Variants in MAP3K15 observed in about 807,000 individuals in gnomAD.
MAP3K15 encodes the protein mitogen-activated protein kinase kinase kinase 15, also known as MAPK/ERK kinase kinase 15.
A neutral mutation model predicts 99.5 loss-of-function variants in MAP3K15; 124 were observed. That is an observed-to-expected ratio of 1.25 (90% CI 1.08 to 1.45). The LOEUF (loss-of-function observed/expected upper bound fraction) is 1.45. Ranked by LOEUF, MAP3K15 falls within the 40% of genes most tolerant of loss-of-function variation. The pLI, the probability that MAP3K15 is intolerant of heterozygous loss-of-function variation, is 0.00. For missense variants in MAP3K15, 1,242 were observed against 1,079.7 expected, an observed-to-expected ratio of 1.15 and a Z score of -2.11; for synonymous variants, 494 against 439.6, an observed-to-expected ratio of 1.12 and a Z score of -1.55.
At chrX:19,432,055 A>G (rs988002855) in intron 6 of MAP3K15, among the ~76,000 whole-genome samples, 2 of 109,468 alleles carry the variant, frequency 1.8e-5, no homozygotes, top group Non-Finnish European at 3.8e-5. Context: ...TCTAAATAAT[A>G]GTTTTCATTT....
intron 13 of MAP3K15, among the ~76,000 whole-genome samples, chrX:19,404,811 C>T (rs752259967): frequency 8.1e-5 from 9 of 111,590 alleles, no homozygotes; most frequent in Non-Finnish European, 1.7e-4. Flanking sequence ...AACCACATAT[C>T]CACGTTAAAG....
intron 19 of MAP3K15, among the ~76,000 whole-genome samples, chrX:19,375,502 C>A (rs2063410476): frequency 8.9e-6 from 1 of 112,248 alleles, no homozygotes; most frequent in Non-Finnish European, 1.9e-5. Flanking sequence ...CACGGACATG[C>A]TTCCGTGACA....
At chrX:19,469,412 G>A (rs1482920884) in intron 3 of MAP3K15, among the ~76,000 whole-genome samples, 14 of 111,400 alleles carry the variant, frequency 1.3e-4, no homozygotes, top group Non-Finnish European at 2.1e-4. Context: ...AGATGGATTA[G>A]AGACTTACAT....
chrX:19,409,760 T>C (rs112870013), intron 12 of MAP3K15, among the ~76,000 whole-genome samples, 164 bp downstream of exon 12: 5 of 112,575 alleles, frequency 4.4e-5, no homozygotes, highest in South Asian at 3.7e-4. Context: ...AGTACACTAG[T>C]ATTAATAACT....
chrX:19,380,018 T>C, intron 19 of MAP3K15, 102 bp downstream of exon 19: 1 of 905,938 alleles, frequency 1.1e-6, no homozygotes, highest in Non-Finnish European at 1.5e-6. Context: ...ACTGTTTCCT[T>C]CTCTCCTACC....
intron 19 of MAP3K15, among the ~76,000 whole-genome samples, chrX:19,379,744 T>C (rs1372922111): frequency 9.0e-6 from 1 of 111,515 alleles, no homozygotes; most frequent in African/African-American, 3.3e-5. Context: ...GCCCGGCCTA[T>C]ATTTTCCTTT....
chrX:19,398,195 C>A lies in MAP3K15; in HGVS notation c.2066+31G>T, dbSNP rs1292746372. 3.3e-6 allele frequency: 4 copies of A among 1,209,212 alleles called. No individual in the cohort carries two copies. In the South Asian group the frequency reaches 7.1e-5, roughly 21 times the overall value. On this transcript the variant is annotated intron_variant, in intron 15 of 28. Transcript: ENST00000338883. ...TGGGATCTGGGGTGTGGAGACGGCACCCGAAATGCGGAAGGCCCGCCTGGA... is the reference window on the plus strand; with the variant it reads ...TGGGATCTGGGGTGTGGAGACGGCAACCGAAATGCGGAAGGCCCGCCTGGA...
At chrX:19,416,552 C>A (rs73637642) in intron 9 of MAP3K15, among the ~76,000 whole-genome samples, 13,257 of 110,770 alleles carry the variant, frequency 0.12, 1,787 homozygotes, top group African/African-American at 0.39. Flanking sequence ...CCCAAGAAGC[C>A]GAGAAAAGTC....
In MAP3K15 at chrX:19,392,005, TA is replaced by T; in HGVS notation, c.2427del (p.Phe809LeufsTer12). 1 of 1,201,623 alleles carries T rather than the reference TA, an allele frequency of 8.3e-7. No individual in the cohort carries two copies. Among genetic ancestry groups the T allele is most frequent in the Non-Finnish European group, 1.1e-6 (1 of 886,749 alleles). On this transcript the variant is annotated frameshift_variant, in exon 18 of 29. Coordinates refer to ENST00000338883, the MANE Select transcript of MAP3K15 (RefSeq NM_001001671.4). LOFTEE classifies it high-confidence loss of function. ...TGCCAAGCTTTGGTCCACTTACCAG[TA>T]AAAGTCTCTGTGCAGGGGTTCACAC... is the stretch of plus-strand genomic sequence containing the variant. ...LAGVNPCTETFTGTLQYMAPE... is the reference protein window; with the variant it reads ...LAGVNPCTETXTGTLQYMAPE...
intron 1 of MAP3K15, among the ~76,000 whole-genome samples, chrX:19,513,503 G>A (rs1388034486): frequency 9.0e-6 from 1 of 111,566 alleles, no homozygotes. Context: ...GGTCAGAAAT[G>A]TCAGGAGAGT....
chrX:19,366,674 C>G (rs1356217269), intron 25 of MAP3K15, among the ~76,000 whole-genome samples: 1 of 111,879 alleles, frequency 8.9e-6, no homozygotes, highest in African/African-American at 3.3e-5. Context: ...ATTGTGAGGC[C>G]TCCCCAGCCT....
chrX:19,426,996 C>G (rs1401512530), intron 7 of MAP3K15, among the ~76,000 whole-genome samples: 1 of 109,761 alleles, frequency 9.1e-6, no homozygotes, highest in Non-Finnish European at 1.9e-5. Flanking sequence ...ATCCTACTCC[C>G]AAAAGATCAC....
At position 19,371,366 on chromosome X, in the gene MAP3K15, C is replaced by G. The variant is rs953676843; in HGVS notation, c.3273G>C (p.Val1091=). 9.1e-6 allele frequency: 11 copies of G among 1,207,182 alleles called. No homozygotes were observed. The African/African-American group carries it at 1.2e-4, about 13-fold the overall frequency. Reference sequence around the variant, plus strand: ...TTACGGCATCCTGAAATCCGAACAGCACCAGGTGAATCTGACTGATGGACG... The same window carrying G: ...TTACGGCATCCTGAAATCCGAACAGGACCAGGTGAATCTGACTGATGGACG... ...DSSSISQIHL[V]LFGFQDAVNK... The change falls in exon 23 of 29, where the codon GTG becomes GTC. Residue 1091 remains valine, a synonymous_variant. Transcript: ENST00000338883.
intron 15 of MAP3K15, among the ~76,000 whole-genome samples, chrX:19,395,939 CA>C (rs2063565250): frequency 8.9e-6 from 1 of 112,076 alleles, no homozygotes; most frequent in Non-Finnish European, 1.9e-5. Context: ...TGTGTTTTAA[CA>C]GCTCTGTTTT....
intron 7 of MAP3K15, among the ~76,000 whole-genome samples, chrX:19,429,790 G>GAA (rs2063865418): frequency 1.3e-5 from 1 of 78,131 alleles, no homozygotes; most frequent in Non-Finnish European, 2.2e-5. Context: ...GAGAGAGAGA[G>GAA]AGAGAGAGAG....
At chrX:19,459,642 G>A in intron 5 of MAP3K15, among the ~76,000 whole-genome samples, 1 of 112,168 alleles carries the variant, frequency 8.9e-6, no homozygotes, top group Non-Finnish European at 1.9e-5. Flanking sequence ...CTGAGGTCAG[G>A]AGTTTAAGAC....
intron 22 of MAP3K15, 37 bp from the exon 23 acceptor site, chrX:19,371,567 T>C (rs768761247): frequency 2.4e-5 from 28 of 1,144,836 alleles, no homozygotes; most frequent in South Asian, 1.7e-4. Context: ...TTGAGTCAGA[T>C]TGAGAGAGCG....
At chrX:19,375,597 T>C (rs1186243615) in intron 19 of MAP3K15, among the ~76,000 whole-genome samples, 1 of 112,159 alleles carries the variant, frequency 8.9e-6, no homozygotes, top group Non-Finnish European at 1.9e-5. Context: ...AGTTTCACAG[T>C]CCACCCTGTG....
At chrX:19,391,335 A>C (rs749387112) in intron 18 of MAP3K15, among the ~76,000 whole-genome samples, 3 of 111,621 alleles carry the variant, frequency 2.7e-5, no homozygotes, top group Non-Finnish European at 5.6e-5. Flanking sequence ...TTAACTTTAA[A>C]GAGATGTGCT....
Sources: allele counts gnomAD v4.1 joint callset (sites outside exome capture counted in the v4.1 genomes callset), GRCh38; gene constraint gnomAD v4.1.1; transcripts MANE v1.5; gene names NCBI Gene and HGNC (gene_info 2026-07-23, HGNC 2026-07-21).